Variants in PARP16 observed in about 807,000 individuals in gnomAD.
The protein encoded by PARP16 is protein mono-ADP-ribosyltransferase PARP16.
A neutral mutation model predicts 35.0 loss-of-function variants in PARP16; 31 were observed. The observed-to-expected ratio is 0.88, with a 90% CI of 0.66 to 1.19. The LOEUF is 1.19. Ranked by LOEUF, PARP16 falls within the 50% of genes most tolerant of loss-of-function variation. PARP16 has a pLI of 0.00. For missense variants in PARP16, 424 were observed against 411.2 expected, an observed-to-expected ratio of 1.03 and a Z score of -0.27; for synonymous variants, 162 against 169.5, an observed-to-expected ratio of 0.96 and a Z score of 0.34.
chr15:65,261,153 C>T, intron 4 of PARP16, 127 bp from the exon 5 acceptor site: 2 of 767,360 alleles, frequency 2.6e-6, no homozygotes, highest in East Asian at 2.7e-5. Context: ...GAGGAACAGA[C>T]CTGTGTGTGC....
intron 1 of PARP16, among the ~76,000 whole-genome samples, chr15:65,276,622 C>A (rs1465676838): frequency 6.6e-6 from 1 of 152,172 alleles, no homozygotes; most frequent in Non-Finnish European, 1.5e-5. Flanking sequence ...CAGCCTCAGC[C>A]TCACAAAGTG....
rs376176493 is a variant in PARP16, at chr15:65,262,291, C to T, written c.691+858G>A. Among the ~76,000 whole-genome samples the T allele has an allele frequency of 3.0e-4, 45 of 152,236 alleles. 1 individual carries two copies. The highest frequency in any genetic ancestry group is 1.1e-3 in the African/African-American group (45 of 41,546). On this transcript the variant is annotated intron_variant, in intron 4 of 5. Coordinates refer to ENST00000649807, the MANE Select transcript of PARP16 (RefSeq NM_001316943.2). ...GGGACCACAGGCACACGCCACCACACCCGGCTCATTTTTTAATTTTAGTAG... is the reference window on the plus strand; with the variant it reads ...GGGACCACAGGCACACGCCACCACATCCGGCTCATTTTTTAATTTTAGTAG...
intron 3 of PARP16, among the ~76,000 whole-genome samples, chr15:65,239,506 C>T (rs1213091546): frequency 1.4e-5 from 2 of 143,252 alleles, no homozygotes; most frequent in African/African-American, 5.1e-5. Flanking sequence ...AGAACTATAC[C>T]TATGACCTCC....
downstream of PARP16, among the ~76,000 whole-genome samples, chr15:65,253,170 G>C (rs1168731356): frequency 6.6e-6 from 1 of 150,832 alleles, no homozygotes. Context: ...AAAAAACAAT[G>C]CAAGACACTG....
At chr15:65,253,129 G>A (rs867387964), downstream of PARP16, among the ~76,000 whole-genome samples, 18 of 140,284 alleles carry the variant, frequency 1.3e-4, no homozygotes, top group Admixed American at 8.9e-4. Flanking sequence ...GTGAAACTCC[G>A]TCTCAAAAAA....
intron 3 of PARP16, among the ~76,000 whole-genome samples, chr15:65,241,268 G>A (rs1005276853): frequency 6.6e-6 from 1 of 151,730 alleles, no homozygotes; most frequent in Non-Finnish European, 1.5e-5. Context: ...AGCCTCCCAA[G>A]TAGCTGGGGT....
intron 3 of PARP16, among the ~76,000 whole-genome samples, chr15:65,243,818 A>G (rs1472112365): frequency 6.6e-6 from 1 of 152,036 alleles, no homozygotes; most frequent in Non-Finnish European, 1.5e-5. Flanking sequence ...GTAAACCCTC[A>G]GGGCCTTCCC....
intron 3 of PARP16, among the ~76,000 whole-genome samples, chr15:65,247,459 C>T (rs1030841221): frequency 2.0e-5 from 3 of 152,172 alleles, no homozygotes; most frequent in African/African-American, 7.2e-5. Context: ...AATTTGACCT[C>T]TAAAAAGTAA....
At chr15:65,260,097 C>T (rs2089652850) in intron 5 of PARP16, among the ~76,000 whole-genome samples, 1 of 152,100 alleles carries the variant, frequency 6.6e-6, no homozygotes, top group African/African-American at 2.4e-5. Flanking sequence ...GACCCAGGCA[C>T]CCTATATACA....
intron 3 of PARP16, among the ~76,000 whole-genome samples, chr15:65,247,639 C>T (rs2089243468): frequency 6.6e-6 from 1 of 152,050 alleles, no homozygotes; most frequent in African/African-American, 2.4e-5. Flanking sequence ...TGCCCTCTCA[C>T]CACCCCAGCC....
At chr15:65,255,701 G>T (rs114484989), downstream of PARP16, among the ~76,000 whole-genome samples, 261 of 150,732 alleles carry the variant, frequency 1.7e-3, no homozygotes, top group Middle Eastern at 6.8e-3. Flanking sequence ...TTGCAGGGAG[G>T]GGGGTTGGAG....
At chr15:65,273,632 A>C (rs989128406) in intron 1 of PARP16, among the ~76,000 whole-genome samples, 7 of 151,946 alleles carry the variant, frequency 4.6e-5, no homozygotes, top group Non-Finnish European at 1.0e-4. Context: ...TAATCCCAGC[A>C]CTTTGGGAGG....
In PARP16 at chr15:65,260,984, C is replaced by T. The variant is rs1567020908; in HGVS notation, c.734G>A (p.Ser245Asn). 3 of 1,613,840 alleles carry T rather than the reference C, an allele frequency of 1.9e-6. No homozygotes were observed. Among genetic ancestry groups the T allele is most frequent in the South Asian group, 1.1e-5 (1 of 91,074 alleles). Reference sequence around the variant, plus strand: ...CTTGGGAGGGATGTCTCCCCCTTCACTATGTTTGATTCTCGCTCGTCTGCG... The same window carrying T: ...CTTGGGAGGGATGTCTCCCCCTTCATTATGTTTGATTCTCGCTCGTCTGCG... ...IDRRRARIKHSEGGDIPPKYF... is the reference protein window; with the variant it reads ...IDRRRARIKHNEGGDIPPKYF... Residue 245 changes from serine (S) to asparagine (N), a missense_variant, in exon 5 of 6, where the codon AGT (serine) becomes AAT (asparagine). Coordinates refer to ENST00000649807, the MANE Select transcript of PARP16 (RefSeq NM_001316943.2).
At chr15:65,273,282 A>AAAAAAAAAAAC (rs1555424532) in intron 1 of PARP16, among the ~76,000 whole-genome samples, 2 of 148,498 alleles carry the variant, frequency 1.3e-5, no homozygotes, top group Non-Finnish European at 3.0e-5. Context: ...GTCTCAAAAA[A>AAAAAAAAAAAC]AAAAAAAAAA....
intron 2 of PARP16, 53 bp downstream of exon 2, chr15:65,270,882 T>A: frequency 6.3e-7 from 1 of 1,588,128 alleles, no homozygotes; most frequent in Non-Finnish European, 8.6e-7. Context: ...TTCAGTGCTG[T>A]CCTAGAGCCC....
chr15:65,270,791 A>G (rs992699705), intron 2 of PARP16, 144 bp downstream of exon 2: 3 of 745,082 alleles, frequency 4.0e-6, no homozygotes, highest in East Asian at 2.5e-5. Context: ...AGAACTAGAA[A>G]GTCTAAAGGT....
intron 2 of PARP16, among the ~76,000 whole-genome samples, chr15:65,252,551 A>C (rs1329259798): frequency 1.3e-5 from 2 of 152,204 alleles, no homozygotes; most frequent in South Asian, 2.1e-4. Flanking sequence ...CAATGTCACC[A>C]GCAATGGCTA....
At chr15:65,242,050 G>A (rs1443381857) in intron 3 of PARP16, among the ~76,000 whole-genome samples, 1 of 152,114 alleles carries the variant, frequency 6.6e-6, no homozygotes, top group Non-Finnish European at 1.5e-5. Flanking sequence ...TTTTGTGTAT[G>A]GTGTGAAGTA....
intron 5 of PARP16, among the ~76,000 whole-genome samples, chr15:65,260,517 A>G (rs1355342613): frequency 6.6e-6 from 1 of 152,146 alleles, no homozygotes. Context: ...CCTGTGCACA[A>G]TCACAACCGG....
Sources: allele counts gnomAD v4.1 joint callset (sites outside exome capture counted in the v4.1 genomes callset), GRCh38; gene constraint gnomAD v4.1.1; transcripts MANE v1.5; gene names NCBI Gene and HGNC (gene_info 2026-07-23, HGNC 2026-07-21).